Variants in SEM1 observed in about 807,000 individuals in gnomAD.
SEM1 encodes the protein SEM1 26S proteasome subunit.
SEM1 carries 3 observed loss-of-function variants against 12.7 expected under a neutral mutation model. The observed-to-expected ratio is 0.24, with a 90% CI of 0.11 to 0.61. The LOEUF is 0.61. Ranked by LOEUF, SEM1 falls within the 20% of genes least tolerant of loss-of-function variation. The pLI is 0.88. For synonymous variants in SEM1, 30 were observed against 27.8 expected, an observed-to-expected ratio of 1.08 and a Z score of -0.25; for missense variants, 59 against 81.3, an observed-to-expected ratio of 0.73 and a Z score of 1.06.
chr7:96,584,847 A>G (rs11982870), intron 2 of SEM1, among the ~76,000 whole-genome samples: 50,947 of 148,186 alleles, frequency 0.34, 8,978 homozygotes, highest in Admixed American at 0.45. Context: ...CTCTGTATTG[A>G]TTATTCTAGT....
chr7:96,599,637 A>C (rs147757778), intron 2 of SEM1, among the ~76,000 whole-genome samples: 72 of 152,318 alleles, frequency 4.7e-4, no homozygotes, highest in African/African-American at 1.7e-3. Flanking sequence ...CCTCTTTTAA[A>C]AATGACATGA....
intron 2 of SEM1, among the ~76,000 whole-genome samples, chr7:96,581,954 A>G (rs1806426372): frequency 6.6e-6 from 1 of 151,294 alleles, no homozygotes; most frequent in Non-Finnish European, 1.5e-5. Context: ...CTCTTTGAAT[A>G]CCCTTTATTT....
chr7:96,602,978 T>C (rs1283995593), intron 2 of SEM1, among the ~76,000 whole-genome samples: 5 of 152,304 alleles, frequency 3.3e-5, no homozygotes, highest in East Asian at 1.9e-4. Flanking sequence ...TCTGGAAGGA[T>C]TGAGGTCCCA....
At chr7:96,509,236 C>A (rs1359906233) in intron 2 of SEM1, among the ~76,000 whole-genome samples, 1 of 150,404 alleles carries the variant, frequency 6.6e-6, no homozygotes, top group Non-Finnish European at 1.5e-5. Context: ...AAACTCCTGG[C>A]CTCAAGTGAT....
intron 2 of SEM1, among the ~76,000 whole-genome samples, chr7:96,630,579 A>G (rs756216082): frequency 2.9e-4 from 44 of 152,014 alleles, no homozygotes; most frequent in Non-Finnish European, 5.6e-4. Context: ...CCAAGAGCCA[A>G]CTCCTGGAAT....
chr7:96,709,551 T>C, intron 1 of SEM1, 137 bp downstream of exon 1: 1 of 781,858 alleles, frequency 1.3e-6, no homozygotes, highest in East Asian at 2.5e-5. Flanking sequence ...GGGGTGAGCG[T>C]TAGCGCCTCG....
chr7:96,669,419 C>T (rs774907315), downstream of SEM1, among the ~76,000 whole-genome samples: 5 of 152,146 alleles, frequency 3.3e-5, no homozygotes, highest in African/African-American at 7.2e-5. Flanking sequence ...TTTATAGACA[C>T]TGAAATTTGA....
chr7:96,553,675 C>G (rs1450775030), intron 2 of SEM1, among the ~76,000 whole-genome samples: 1 of 152,058 alleles, frequency 6.6e-6, no homozygotes, highest in Non-Finnish European at 1.5e-5. Context: ...CTTGGTGATG[C>G]AGGCTCTTTT....
upstream of SEM1, among the ~76,000 whole-genome samples, chr7:96,499,488 G>A (rs1456817724): frequency 1.3e-5 from 2 of 152,196 alleles, no homozygotes; most frequent in East Asian, 3.9e-4. Context: ...GCGGGCAGGA[G>A]GGAACTGCAT....
At chr7:96,496,213 G>T in intron 1 of SEM1, 1 of 921,132 alleles carries the variant, frequency 1.1e-6, no homozygotes, top group Non-Finnish European at 1.7e-6. Context: ...TACACTCAAG[G>T]TATACTAACT....
intron 3 of SEM1, among the ~76,000 whole-genome samples, chr7:96,502,691 G>A (rs1306306731): frequency 6.6e-6 from 1 of 152,146 alleles, no homozygotes. Context: ...TGATGAAAGA[G>A]TAAATTCCAG....
At chr7:96,526,281 A>T (rs1258822122) in intron 2 of SEM1, among the ~76,000 whole-genome samples, 2 of 147,926 alleles carry the variant, frequency 1.4e-5, no homozygotes, top group East Asian at 2.0e-4. Context: ...TAAAGCATTT[A>T]TTTTTTTTTT....
chr7:96,666,339 C>T (rs1211236628), intron 2 of SEM1, among the ~76,000 whole-genome samples: 3 of 152,102 alleles, frequency 2.0e-5, no homozygotes, highest in Non-Finnish European at 4.4e-5. Flanking sequence ...GGGTTCAAAT[C>T]CTGTCTGCAT....
intron 2 of SEM1, among the ~76,000 whole-genome samples, chr7:96,666,217 A>G (rs1454568288): frequency 6.6e-6 from 1 of 152,128 alleles, no homozygotes; most frequent in Non-Finnish European, 1.5e-5. Context: ...TCATCCTTGT[A>G]CCCCAGATCT....
At chr7:96,581,480 T>G (rs1450171499) in intron 2 of SEM1, among the ~76,000 whole-genome samples, 2 of 151,990 alleles carry the variant, frequency 1.3e-5, no homozygotes, top group Non-Finnish European at 1.5e-5. Context: ...ATATGAACTT[T>G]AAAGTAGTTT....
At chr7:96,644,599 A>C (rs965680367) in intron 2 of SEM1, among the ~76,000 whole-genome samples, 5 of 152,112 alleles carry the variant, frequency 3.3e-5, no homozygotes, top group African/African-American at 1.2e-4. Flanking sequence ...TATCTATTCT[A>C]AACAGGATTT....
At chr7:96,646,281 G>A (rs1808790888) in intron 2 of SEM1, among the ~76,000 whole-genome samples, 1 of 152,148 alleles carries the variant, frequency 6.6e-6, no homozygotes. Context: ...GAGATCATAT[G>A]TGGCCCACAA....
chr7:96,657,982 T>C (rs767517869), intron 2 of SEM1, among the ~76,000 whole-genome samples: 45 of 152,190 alleles, frequency 3.0e-4, no homozygotes, highest in Non-Finnish European at 4.7e-4. Flanking sequence ...ACAGGGTCTT[T>C]CTTCCTCATG....
At chr7:96,591,090 G>C (rs1806815097) in intron 2 of SEM1, among the ~76,000 whole-genome samples, 1 of 152,108 alleles carries the variant, frequency 6.6e-6, no homozygotes, top group African/African-American at 2.4e-5. Flanking sequence ...AATTGTAATG[G>C]CTTGTCAGGT....
Sources: allele counts gnomAD v4.1 joint callset (sites outside exome capture counted in the v4.1 genomes callset), GRCh38; gene constraint gnomAD v4.1.1; transcripts MANE v1.5; gene names NCBI Gene and HGNC (gene_info 2026-07-23, HGNC 2026-07-21).